PCDH15: variants seen among roughly 807,000 people sequenced by gnomAD.
PCDH15 encodes protocadherin-15.
In PCDH15, 129 loss-of-function variants were observed where a neutral mutation model predicts 178.5. The observed-to-expected ratio is 0.72, with a 90% CI of 0.63 to 0.84. The LOEUF (loss-of-function observed/expected upper bound fraction) is 0.84, where lower values mean the gene tolerates loss of function less well. Among genes scored for constraint, PCDH15 ranks in the 40% least tolerant of loss-of-function variants. The pLI, the probability that PCDH15 is intolerant of heterozygous loss-of-function variation, is 0.00. For synonymous variants in PCDH15, 800 were observed against 732.0 expected, an observed-to-expected ratio of 1.09 and a Z score of -1.50; for missense variants, 2,230 against 2,099.9, an observed-to-expected ratio of 1.06 and a Z score of -1.21.
intron 2 of PCDH15, among the ~76,000 whole-genome samples, chr10:55,143,460 A>G (rs954445649): frequency 2.6e-5 from 4 of 152,148 alleles, no homozygotes; most frequent in African/African-American, 9.7e-5. Flanking sequence ...GACACACTCA[A>G]ACTGTATCAT....
chr10:53,886,640 C>G (rs75914599), intron 26 of PCDH15, among the ~76,000 whole-genome samples: 1 of 133,616 alleles, frequency 7.5e-6, no homozygotes, highest in Non-Finnish European at 1.5e-5. Flanking sequence ...TGGGCTCAGC[C>G]GCATCTTACA....
At chr10:54,611,116 A>AT (rs1017858173) in intron 2 of PCDH15, among the ~76,000 whole-genome samples, 1 of 151,780 alleles carries the variant, frequency 6.6e-6, no homozygotes, top group African/African-American at 2.4e-5. Context: ...ACAGTTTAGC[A>AT]TTTTTTTCTT....
At chr10:55,281,659 C>T (rs566698188) in intron 1 of PCDH15, among the ~76,000 whole-genome samples, 11 of 152,146 alleles carry the variant, frequency 7.2e-5, no homozygotes, top group South Asian at 2.1e-4. Flanking sequence ...CATGTGTCTC[C>T]GCACCAATCA....
chr10:55,082,224 T>G (rs1190892508), intron 2 of PCDH15, among the ~76,000 whole-genome samples: 2 of 152,032 alleles, frequency 1.3e-5, no homozygotes, highest in Non-Finnish European at 2.9e-5. Context: ...AAGTATCTTC[T>G]CTGACAACAG....
chr10:54,666,502 G>A (rs2094573699), intron 1 of PCDH15, among the ~76,000 whole-genome samples: 1 of 152,014 alleles, frequency 6.6e-6, no homozygotes. Flanking sequence ...CTTAAACTCT[G>A]AGAGAGACAT....
chr10:54,642,954 GCT>G (rs2094026041), intron 2 of PCDH15, among the ~76,000 whole-genome samples: 1 of 152,108 alleles, frequency 6.6e-6, no homozygotes, highest in Non-Finnish European at 1.5e-5. Flanking sequence ...ACAGAATCTC[GCT>G]CTCTGTCCCA....
At chr10:54,088,160 A>G (rs956602574) in intron 16 of PCDH15, among the ~76,000 whole-genome samples, 3 of 152,158 alleles carry the variant, frequency 2.0e-5, no homozygotes, top group African/African-American at 4.8e-5. Flanking sequence ...CACATTTTAC[A>G]TGGCCACATA....
chr10:55,379,314 C>T (rs80016470), intron 2 of PCDH15, among the ~76,000 whole-genome samples: 102 of 151,696 alleles, frequency 6.7e-4, no homozygotes, highest in African/African-American at 2.4e-3. Context: ...TGTCAATATA[C>T]TAACAGTCCA....
At chr10:54,695,002 C>A (rs1183696839) in intron 1 of PCDH15, among the ~76,000 whole-genome samples, 1 of 150,930 alleles carries the variant, frequency 6.6e-6, no homozygotes, top group African/African-American at 2.4e-5. Flanking sequence ...AAAAGTGCTA[C>A]TTCAGTGAGC....
chr10:54,512,283 G>A (rs991198327), intron 3 of PCDH15, among the ~76,000 whole-genome samples: 4 of 149,578 alleles, frequency 2.7e-5, no homozygotes, highest in South Asian at 2.1e-4. Flanking sequence ...TGCAGGTATG[G>A]TTTCAGGAAA....
intron 3 of PCDH15, among the ~76,000 whole-genome samples, chr10:54,459,786 C>T (rs1174992354): frequency 6.6e-6 from 1 of 152,068 alleles, no homozygotes; most frequent in Non-Finnish European, 1.5e-5. Flanking sequence ...TGTGAAGTCA[C>T]ACAAGTTTAA....
chr10:53,849,860 C>CAAAAAA (rs58458871), intron 28 of PCDH15, among the ~76,000 whole-genome samples: 65 of 52,686 alleles, frequency 1.2e-3, no homozygotes, highest in East Asian at 3.6e-3. Flanking sequence ...GGCTCCGTCT[C>CAAAAAA]AAAAAAAAAA....
intron 2 of PCDH15, among the ~76,000 whole-genome samples, chr10:55,615,912 A>G (rs1465741177): frequency 1.3e-5 from 2 of 152,090 alleles, no homozygotes; most frequent in Non-Finnish European, 2.9e-5. Context: ...AAAAGAAAAT[A>G]ATTCAGAATG....
chr10:55,024,405 T>G (rs1179987422), intron 2 of PCDH15, among the ~76,000 whole-genome samples: 2 of 148,312 alleles, frequency 1.3e-5, no homozygotes, highest in African/African-American at 2.5e-5. Flanking sequence ...CTGAATCAGA[T>G]TTCATATATA....
At chr10:54,989,739 G>A (rs1564694117) in intron 2 of PCDH15, among the ~76,000 whole-genome samples, 1 of 152,164 alleles carries the variant, frequency 6.6e-6, no homozygotes, top group Non-Finnish European at 1.5e-5. Flanking sequence ...AACTTTGGGG[G>A]AATGTTGGGA....
intron 3 of PCDH15, among the ~76,000 whole-genome samples, chr10:54,427,207 T>C (rs1481167651): frequency 2.6e-5 from 4 of 151,472 alleles, no homozygotes; most frequent in Admixed American, 1.3e-4. Flanking sequence ...GTAAGCTATC[T>C]TATTTATCTT....
intron 3 of PCDH15, among the ~76,000 whole-genome samples, chr10:54,526,804 C>A (rs1473171038): frequency 6.6e-6 from 1 of 152,100 alleles, no homozygotes; most frequent in Non-Finnish European, 1.5e-5. Flanking sequence ...TGCGTCAATT[C>A]TTTAAATGAG....
rs1180286677 is a variant in PCDH15, at chr10:54,137,220, G to A, written c.1785-4213C>T. Reference sequence around the variant, plus strand: ...AAGCATTTTGTATTCATATTTTATCGCTAAATGCATAAAACTGAGCATCTA... The same window carrying A: ...AAGCATTTTGTATTCATATTTTATCACTAAATGCATAAAACTGAGCATCTA... On this transcript the variant is annotated intron_variant, in intron 14 of 37. Coordinates refer to ENST00000644397, the MANE Select transcript of PCDH15 (RefSeq NM_001384140.1). Among the ~76,000 whole-genome samples, 5 of 152,046 alleles carry A rather than the reference G, an allele frequency of 3.3e-5. No homozygotes were observed. The East Asian group carries it at 5.8e-4, about 18-fold the overall frequency.
chr10:54,774,652 C>T (rs1296744861), intron 1 of PCDH15, among the ~76,000 whole-genome samples: 1 of 152,142 alleles, frequency 6.6e-6, no homozygotes, highest in South Asian at 2.1e-4. Context: ...TTAGTTATCC[C>T]AGGCAGTATT....
Sources: allele counts gnomAD v4.1 joint callset (sites outside exome capture counted in the v4.1 genomes callset), GRCh38; gene constraint gnomAD v4.1.1; transcripts MANE v1.5; gene names NCBI Gene and HGNC (gene_info 2026-07-23, HGNC 2026-07-21).